Variants in ELOA observed in about 807,000 individuals in gnomAD.
ELOA encodes elongin A.
In ELOA, 15 loss-of-function variants were observed where a neutral mutation model predicts 85.2. That is an observed-to-expected ratio of 0.18 (90% CI 0.12 to 0.27). The LOEUF (loss-of-function observed/expected upper bound fraction) is 0.27. ELOA is among the 10% of genes least tolerant of loss of function. ELOA has a pLI of 1.00. For missense variants in ELOA, 769 were observed against 952.7 expected (o/e 0.81, Z 2.54); for synonymous variants, 348 against 357.2 (o/e 0.97, Z 0.29).
At chr1:23,754,573 T>C in intron 7 of ELOA, 113 bp downstream of exon 7, 4 of 831,986 alleles carry the variant, frequency 4.8e-6, no homozygotes, top group Non-Finnish European at 7.7e-6. Context: ...GTCAGAGCAT[T>C]GTTCTGGATA....
chr1:23,745,271 G>A (rs909823029), intron 1 of ELOA, among the ~76,000 whole-genome samples: 7 of 152,126 alleles, frequency 4.6e-5, no homozygotes, highest in Non-Finnish European at 8.8e-5. Context: ...GTACTAGTTT[G>A]TTTTCCTGAA....
chr1:23,743,561 A>G lies in ELOA; in HGVS notation c.58A>G (p.Asn20Asp), dbSNP rs780628476. ...GAAGCTGCAGGCGCGCCTGGCCGCG[A>G]ACCCGGACCCTAAGAAGGTAAGCGA... is the stretch of plus-strand genomic sequence containing the variant. ...VEKLQARLAA[N>D]PDPKKLLKYL... The change falls in exon 1 of 11, where the codon AAC (asparagine) becomes GAC (aspartate). Residue 20 changes from asparagine to aspartate, a missense_variant. Around this residue, in one of 4 missense-constraint regions of ELOA, gnomAD observed 440 missense variants for 474.0 expected, o/e 0.93. Coordinates refer to ENST00000613537, the MANE Select transcript of ELOA (RefSeq NM_003198.3). 2 of 1,495,408 alleles carry G rather than the reference A, an allele frequency of 1.3e-6. No individual in the cohort carries two copies. The highest frequency in any genetic ancestry group is 8.9e-7 in the Non-Finnish European group (1 of 1,127,602). The allele number at this position is 1,495,408 out of a possible 1,614,324, so 92.6% of individuals were successfully genotyped here. A position where few individuals can be genotyped will look rare whatever the true frequency, so the allele number is the denominator to read the frequency against.
At chr1:23,744,349 G>T (rs989280167) in intron 1 of ELOA, 2 of 152,072 alleles carry the variant, frequency 1.3e-5, no homozygotes, top group Non-Finnish European at 2.9e-5. Flanking sequence ...GTTGTTTATT[G>T]TACAAACTGA....
intron 7 of ELOA, among the ~76,000 whole-genome samples, 187 bp from the exon 8 acceptor site, chr1:23,755,656 T>C (rs1162637619): frequency 2.6e-5 from 4 of 152,004 alleles, no homozygotes; most frequent in Non-Finnish European, 5.9e-5. Flanking sequence ...GGTAAGCACC[T>C]GTAGTCCTGG....
In ELOA at chr1:23,751,980, A is replaced by C; in HGVS notation, c.1375A>C (p.Lys459Gln). The C allele has an allele frequency of 6.2e-7, 1 of 1,608,686 alleles. No individual in the cohort carries two copies. The highest frequency in any genetic ancestry group is 8.5e-7 in the Non-Finnish European group (1 of 1,178,752). Residue 459 changes from lysine to glutamine, a missense_variant, in exon 4 of 11, where the codon AAA (lysine) becomes CAA (glutamine). By Grantham distance (53) the Lys-to-Gln change is moderately conservative. Coordinates refer to ENST00000613537, the MANE Select transcript of ELOA (RefSeq NM_003198.3). ...DSVQKLPKVN[K>Q]TKSEKPAGAD... The stretch of plus-strand genomic sequence containing the variant: ...AGTTCAGAAATTACCCAAGGTGAAC[A>C]AAACCAAGTCAGAGAAGCCGGCTGG...
At chr1:23,748,996 G>A (rs201926670) in intron 1 of ELOA, 25 bp from the exon 2 acceptor site, 181 of 1,599,658 alleles carry the variant, frequency 1.1e-4, no homozygotes, top group South Asian at 1.8e-4. Context: ...TTTGACTATT[G>A]AAATTAATGT....
At chr1:23,758,096 A>G (rs1391879490) in intron 10 of ELOA, among the ~76,000 whole-genome samples, 2 of 151,658 alleles carry the variant, frequency 1.3e-5, no homozygotes, top group Non-Finnish European at 2.9e-5. Flanking sequence ...TTCTTTTTTC[A>G]CCTAAATATA....
intron 5 of ELOA, among the ~76,000 whole-genome samples, chr1:23,753,153 CA>C (rs1481124174): frequency 1.3e-5 from 2 of 151,932 alleles, no homozygotes; most frequent in Non-Finnish European, 2.9e-5. Flanking sequence ...GTTTCAAAAA[CA>C]AACAAAAAAA....
chr1:23,750,501 C>G (rs933208140), intron 3 of ELOA, among the ~76,000 whole-genome samples: 2 of 152,126 alleles, frequency 1.3e-5, no homozygotes, highest in Non-Finnish European at 2.9e-5. Context: ...TTTCTAACTG[C>G]TCCTTAAATG....
Position 23,755,930 on chromosome 1 carries a change from C to A in ELOA, c.1879C>A (p.Arg627=). The A allele has an allele frequency of 2.5e-6, 4 of 1,613,408 alleles. No homozygotes were observed. The South Asian group carries it at 4.4e-5, about 18-fold the overall frequency. The part of the protein sequence containing the change: ...EERPEEYESW[R]EMYLRLQDAR... ...AAGACCCGAAGAGTATGAGTCGTGGCGAGAGATGTACCTGCGGCTTCAGGA... is the reference window on the plus strand; with the variant it reads ...AAGACCCGAAGAGTATGAGTCGTGGAGAGAGATGTACCTGCGGCTTCAGGA... Residue 627 remains arginine (R), a synonymous_variant, in exon 8 of 11, where the codon CGA becomes AGA. Coordinates refer to ENST00000613537, the MANE Select transcript of ELOA (RefSeq NM_003198.3).
chr1:23,752,389 T>C lies in ELOA; in HGVS notation c.1426-18T>C. The C allele has an allele frequency of 6.2e-7, 1 of 1,611,690 alleles. No homozygotes were observed. The highest frequency in any genetic ancestry group is 8.5e-7 in the Non-Finnish European group (1 of 1,178,278). On this transcript the variant is annotated intron_variant, in intron 4 of 10. Coordinates refer to ENST00000613537, the MANE Select transcript of ELOA (RefSeq NM_003198.3). ...CTTCTACTCACTGACTCTCCACCCA[T>C]GGGTCTGTCCCCTGCAGGTGCCTGA...
chr1:23,751,780 A>T lies in ELOA; in HGVS notation c.1175A>T (p.Glu392Val), dbSNP rs772897393. Residue 392 changes from glutamate (E) to valine (V), a missense_variant, in exon 4 of 11, where the codon GAG (glutamate) becomes GTG (valine). Physicochemically the swap from Glu to Val is moderately radical, Grantham distance 121. Transcript: ENST00000613537. The stretch of plus-strand genomic sequence containing the variant: ...TCACTGGGCTCCCTCCCTAAAGTTG[A>T]GGAGACAGATATGGAGGATGAATTC... ...RKSLGSLPKV[E>V]ETDMEDEFEQ... is the part of the protein sequence containing the mutation. The T allele has an allele frequency of 6.2e-7, 1 of 1,614,180 alleles. No individual in the cohort carries two copies. The highest frequency in any genetic ancestry group is 8.5e-7 in the Non-Finnish European group (1 of 1,180,034).
chr1:23,755,518 AC>A (rs1644790369), intron 7 of ELOA, among the ~76,000 whole-genome samples: 2 of 152,274 alleles, frequency 1.3e-5, no homozygotes, highest in Non-Finnish European at 2.9e-5. Flanking sequence ...ATGGTGACAC[AC>A]GCCTGTAATC....
At chr1:23,752,259 C>G in intron 4 of ELOA, 148 bp from the exon 5 acceptor site, 1 of 811,264 alleles carries the variant, frequency 1.2e-6, no homozygotes, top group Non-Finnish European at 2.0e-6. Context: ...TATTTCCTGA[C>G]TGAGGTGGTG....
chr1:23,758,247 ATTTATTTATTTATTTTT>A (rs1638234159), intron 10 of ELOA, among the ~76,000 whole-genome samples: 10 of 56,784 alleles, frequency 1.8e-4, no homozygotes, highest in African/African-American at 5.3e-4. Flanking sequence ...GGGTCTTCCA[ATTTATTTATTTATTTTT>A]TTTTTTTTTT....
At chr1:23,745,342 A>G (rs940993769) in intron 1 of ELOA, among the ~76,000 whole-genome samples, 2 of 151,842 alleles carry the variant, frequency 1.3e-5, no homozygotes, top group African/African-American at 4.8e-5. Context: ...ATAACTACCC[A>G]CTATTTGTTC....
chr1:23,750,431 C>T (rs1014684518), intron 3 of ELOA, among the ~76,000 whole-genome samples: 13 of 152,110 alleles, frequency 8.5e-5, no homozygotes, highest in Non-Finnish European at 1.8e-4. Flanking sequence ...CTGCCCGCCT[C>T]GGCCTCCCAA....
rs1276413096 is a variant in ELOA, at chr1:23,761,853, C to T, written c.*2280C>T. 6.6e-6 allele frequency: 1 copy of T among 152,122 alleles called. No homozygotes were observed. The highest frequency in any genetic ancestry group is 1.5e-5 in the Non-Finnish European group (1 of 68,010). The allele number at this position is 152,122 out of a possible 1,614,324, so 9.4% of individuals were successfully genotyped here. A position where few individuals can be genotyped will look rare whatever the true frequency, so the allele number is the denominator to read the frequency against. ...TTACCCTTTTGTGATCCTTGGTGTA[C>T]TGAGCAGTTTCTTTGGGGCTTTTTC... is the stretch of plus-strand genomic sequence containing the variant. On this transcript the variant is annotated 3_prime_UTR_variant, in exon 11 of 11. Transcript: ENST00000613537.
At chr1:23,749,174 G>T in intron 2 of ELOA, 97 bp downstream of exon 2, 1 of 1,093,936 alleles carries the variant, frequency 9.1e-7, no homozygotes, top group Non-Finnish European at 1.4e-6. Flanking sequence ...GGCTTTGGAA[G>T]TGAAAGAAAC....
Sources: allele counts gnomAD v4.1 joint callset (sites outside exome capture counted in the v4.1 genomes callset), GRCh38; gene constraint gnomAD v4.1.1; regional missense constraint gnomAD v4.1.1; transcripts MANE v1.5; gene names NCBI Gene and HGNC (gene_info 2026-07-23, HGNC 2026-07-21).